GTF2A1L: variants seen among roughly 807,000 people sequenced by gnomAD.
GTF2A1L encodes the protein general transcription factor IIA subunit 1 like, also known as TFIIA-alpha and beta-like factor.
Under a neutral mutation model 49.7 loss-of-function variants are expected in GTF2A1L, and 48 were observed. The observed-to-expected ratio is 0.97, with a 90% confidence interval of 0.77 to 1.23. The LOEUF is 1.23. GTF2A1L is among the 50% of genes most tolerant of loss of function. The pLI, the probability that GTF2A1L is intolerant of heterozygous loss-of-function variation, is 0.00. For missense variants in GTF2A1L, 736 were observed against 564.8 expected (o/e 1.30, Z -3.07); for synonymous variants, 246 against 193.5 (o/e 1.27, Z -2.25).
At chr2:48,657,504 G>C (rs890743569) in intron 6 of GTF2A1L, among the ~76,000 whole-genome samples, 1 of 152,140 alleles carries the variant, frequency 6.6e-6, no homozygotes, top group Non-Finnish European at 1.5e-5. Flanking sequence ...AGTCCACCAT[G>C]TATGGGCACC....
intron 6 of GTF2A1L, among the ~76,000 whole-genome samples, chr2:48,668,369 C>T (rs1678963038): frequency 6.6e-6 from 1 of 152,106 alleles, no homozygotes; most frequent in East Asian, 1.9e-4. Context: ...TTTCAAGGGG[C>T]CTCTTACTTT....
chr2:48,649,781 C>A (rs1397985325), intron 6 of GTF2A1L, among the ~76,000 whole-genome samples: 1 of 152,142 alleles, frequency 6.6e-6, no homozygotes, highest in Non-Finnish European at 1.5e-5. Flanking sequence ...ACTTCAGGCA[C>A]CTTAATATAC....
intron 6 of GTF2A1L, among the ~76,000 whole-genome samples, chr2:48,659,468 G>C (rs185443670): frequency 1.3e-5 from 2 of 152,020 alleles, no homozygotes; most frequent in African/African-American, 4.8e-5. Flanking sequence ...CATTCCTTGA[G>C]ATTTGAATTT....
chr2:48,662,242 T>C (rs1249484676), intron 6 of GTF2A1L, among the ~76,000 whole-genome samples: 1 of 152,246 alleles, frequency 6.6e-6, no homozygotes. Flanking sequence ...AACATAGTTT[T>C]TTAATGCTTT....
intron 3 of GTF2A1L, among the ~76,000 whole-genome samples, chr2:48,634,372 A>G (rs1369927409): frequency 6.6e-6 from 1 of 152,066 alleles, no homozygotes; most frequent in African/African-American, 2.4e-5. Flanking sequence ...CGGCCTCCCA[A>G]AGTGTTGGGA....
At position 48,645,091 on chromosome 2, in the gene GTF2A1L, C is replaced by T. The variant is rs3792245; in HGVS notation, c.362C>T (p.Ala121Val). 136 of 1,612,702 alleles carry T rather than the reference C, an allele frequency of 8.4e-5. 2 individuals are homozygous for T. The East Asian group carries it at 2.9e-3, about 34-fold the overall frequency. The stretch of plus-strand genomic sequence containing the variant: ...CCTGGTTATCCCATTCATGTACCAG[C>T]AGGTGTGACACTACAGACTGTATCT... ...TFPGYPIHVP[A>V]GVTLQTVSGH... Residue 121 changes from alanine (A) to valine (V), a missense_variant, in exon 5 of 9, where the codon GCA becomes GTA. Physicochemically the swap from Ala to Val is moderately conservative, Grantham distance 64. Transcript: ENST00000403751.
At chr2:48,649,988 C>T (rs1417496809) in intron 6 of GTF2A1L, among the ~76,000 whole-genome samples, 1 of 152,130 alleles carries the variant, frequency 6.6e-6, no homozygotes, top group Non-Finnish European at 1.5e-5. Context: ...CCATCCTTTC[C>T]TCTGGTTAAT....
At chr2:48,671,814 T>A in intron 8 of GTF2A1L, 134 bp downstream of exon 8, 1 of 849,122 alleles carries the variant, frequency 1.2e-6, no homozygotes, top group Non-Finnish European at 1.8e-6. Context: ...CTGGAAATTC[T>A]GAGTGTGTAT....
At chr2:48,631,421 C>G (rs62137486) in intron 3 of GTF2A1L, among the ~76,000 whole-genome samples, 2,871 of 152,136 alleles carry the variant, frequency 0.019, 38 homozygotes, top group Middle Eastern at 0.037. Flanking sequence ...TAGAGGTATT[C>G]TAATAGTATC....
At chr2:48,630,592 T>C (rs1347589557) in intron 3 of GTF2A1L, among the ~76,000 whole-genome samples, 1 of 143,888 alleles carries the variant, frequency 6.9e-6, no homozygotes, top group Non-Finnish European at 1.6e-5. Flanking sequence ...TTTTCCTGTT[T>C]GGATGCCTTT....
rs187838268 is a variant in GTF2A1L, at chr2:48,670,056, A to G, written c.1239+74A>G. 263 of 1,517,500 alleles carry G rather than the reference A, an allele frequency of 1.7e-4. No homozygotes were observed. The African/African-American group carries it at 3.4e-3, about 19-fold the overall frequency. The allele number at this position is 1,517,500 out of a possible 1,614,324, so 94.0% of individuals were successfully genotyped here. ...TCTACTTTATTATGCCTTGGAACCA[A>G]AAGGAATAGCAAGATTAATCTTTTC... On this transcript the variant is annotated intron_variant, in intron 7 of 8. Transcript: ENST00000403751.
At position 48,679,493 on chromosome 2, in the gene GTF2A1L, G is replaced by A. The variant is rs748942872; in HGVS notation, c.*51G>A. On this transcript the variant is annotated 3_prime_UTR_variant, in exon 9 of 9. Transcript: ENST00000403751. ...TTGTGAACATCAGTTGGATTATATT[G>A]CATATTGTGAATTCATTTTTATTTT... 2 of 1,596,998 alleles carry A rather than the reference G, an allele frequency of 1.3e-6. No homozygotes were observed. Among genetic ancestry groups the A allele is most frequent in the East Asian group, 2.2e-5 (1 of 44,498 alleles).
At chr2:48,671,714 T>G in intron 8 of GTF2A1L, 34 bp downstream of exon 8, 1 of 1,567,064 alleles carries the variant, frequency 6.4e-7, no homozygotes, top group African/African-American at 1.4e-5. Flanking sequence ...TTGGGTTTAT[T>G]AACTGCATTT....
intron 6 of GTF2A1L, among the ~76,000 whole-genome samples, chr2:48,657,554 C>T (rs979936851): frequency 6.6e-6 from 1 of 152,134 alleles, no homozygotes; most frequent in Non-Finnish European, 1.5e-5. Flanking sequence ...AATAGTACTT[C>T]AATAAACATA....
chr2:48,638,524 GC>G (rs1479099139), intron 3 of GTF2A1L, among the ~76,000 whole-genome samples: 2 of 152,170 alleles, frequency 1.3e-5, no homozygotes, highest in Admixed American at 6.5e-5. Flanking sequence ...AAATTCAACA[GC>G]CTTTCATGTT....
chr2:48,625,324 C>T (rs1263827688), intron 3 of GTF2A1L, among the ~76,000 whole-genome samples: 1 of 143,616 alleles, frequency 7.0e-6, no homozygotes, highest in East Asian at 2.0e-4. Flanking sequence ...ATGTTGAGCA[C>T]CTTTTTGTAT....
At chr2:48,675,840 T>C (rs772806752) in intron 8 of GTF2A1L, among the ~76,000 whole-genome samples, 28 of 151,750 alleles carry the variant, frequency 1.8e-4, no homozygotes, top group Non-Finnish European at 3.4e-4. Flanking sequence ...GAGAGATATG[T>C]ATATATGTGT....
At chr2:48,656,058 G>A (rs1171464736) in intron 6 of GTF2A1L, among the ~76,000 whole-genome samples, 4 of 152,104 alleles carry the variant, frequency 2.6e-5, no homozygotes, top group Non-Finnish European at 5.9e-5. Flanking sequence ...TGTATATACT[G>A]CATTTTGTTT....
At chr2:48,634,678 T>C (rs1676784174) in intron 3 of GTF2A1L, among the ~76,000 whole-genome samples, 1 of 152,200 alleles carries the variant, frequency 6.6e-6, no homozygotes, top group Non-Finnish European at 1.5e-5. Flanking sequence ...GGGTATGAAA[T>C]TCTTGGTTGG....
Sources: gnomAD v4.1 joint callset for allele counts (sites outside exome capture counted in the v4.1 genomes callset) on GRCh38, gnomAD v4.1.1 for gene constraint, MANE v1.5 for transcripts, NCBI Gene and HGNC (gene_info 2026-07-23, HGNC 2026-07-21) for gene names.